MTMR7: variants seen among roughly 807,000 people sequenced by gnomAD.
MTMR7 encodes the protein phosphatidylinositol-3-phosphate phosphatase MTMR7.
A neutral mutation model predicts 81.2 loss-of-function variants in MTMR7; 76 were observed. That is an observed-to-expected ratio of 0.94 (90% CI 0.78 to 1.13). The LOEUF is 1.13. Ranked by LOEUF, MTMR7 falls within the 50% of genes most tolerant of loss-of-function variation. The pLI, the probability that MTMR7 is intolerant of heterozygous loss-of-function variation, is 0.00. For synonymous variants in MTMR7, 372 were observed against 289.8 expected, an observed-to-expected ratio of 1.28 and a Z score of -2.88; for missense variants, 1,044 against 820.0, an observed-to-expected ratio of 1.27 and a Z score of -3.34.
chr8:17,316,502 A>G (rs1818081745), intron 7 of MTMR7, among the ~76,000 whole-genome samples: 1 of 151,376 alleles, frequency 6.6e-6, no homozygotes, highest in South Asian at 2.1e-4. Context: ...CTCCTTGTGG[A>G]AAGTCTCCCT....
intron 1 of MTMR7, among the ~76,000 whole-genome samples, chr8:17,405,665 T>C (rs1188324488): frequency 6.6e-6 from 1 of 152,008 alleles, no homozygotes; most frequent in Non-Finnish European, 1.5e-5. Context: ...AGAACAAAAG[T>C]GCAAAACTGC....
Position 17,302,240 on chromosome 8 carries a change from G to A in MTMR7, c.1534C>T (p.Gln512Ter), listed in dbSNP as rs752153854. The stretch of plus-strand genomic sequence containing the variant: ...TAATCTGTAACTGACTGTCGGGGCT[G>A]CATCCCCTTTTCAAAGCGGTTATAC... Reference protein sequence around the residue: ...GMYNRFEKGMQPRQSVTDYLM... With the variant: ...GMYNRFEKGM The change falls in exon 13 of 14, where the codon CAG becomes TAG. Residue 512 changes from glutamine (Q) to a stop codon, truncating the protein, a stop_gained. Transcript: ENST00000180173. LOFTEE classifies it high-confidence loss of function. 1.2e-6 allele frequency: 2 copies of A among 1,614,006 alleles called. No homozygotes were observed. Among genetic ancestry groups the A allele is most frequent in the Admixed American group, 1.7e-5 (1 of 60,004 alleles).
At position 17,400,551 on chromosome 8, in the gene MTMR7, G is replaced by A. The variant is rs180800906; in HGVS notation, c.24+12718C>T. Among the ~76,000 whole-genome samples, 4 of 152,266 alleles carry A rather than the reference G, an allele frequency of 2.6e-5. No homozygotes were observed. The East Asian group carries it at 7.7e-4, about 29-fold the overall frequency. ...TGCTTCCCTGCCTCTAGAGTAATGG[G>A]CTACCTCTACATTATCAAGCGTTAC... On this transcript the variant is annotated intron_variant, in intron 1 of 13. Transcript: ENST00000180173.
intron 1 of MTMR7, among the ~76,000 whole-genome samples, chr8:17,379,468 G>A (rs1262033626): frequency 1.3e-5 from 2 of 152,154 alleles, no homozygotes; most frequent in South Asian, 2.1e-4. Flanking sequence ...TGATACACAC[G>A]GGAAATAAAA....
chr8:17,410,126 G>A (rs1005137750), intron 1 of MTMR7, among the ~76,000 whole-genome samples: 2 of 151,270 alleles, frequency 1.3e-5, no homozygotes, highest in South Asian at 4.2e-4. Context: ...CTGTGAGAAA[G>A]GGATTAGAAA....
intron 3 of MTMR7, among the ~76,000 whole-genome samples, chr8:17,370,563 A>G (rs1338218473): frequency 6.7e-6 from 1 of 150,356 alleles, no homozygotes; most frequent in East Asian, 1.9e-4. Flanking sequence ...CAAAAAAAAA[A>G]AAAAAAAAAA....
At chr8:17,343,427 C>CG (rs1819464037) in intron 5 of MTMR7, among the ~76,000 whole-genome samples, 1 of 149,870 alleles carries the variant, frequency 6.7e-6, no homozygotes, top group African/African-American at 2.5e-5. Flanking sequence ...AACTCCATCT[C>CG]GAAAAAAAAA....
At chr8:17,377,150 A>T (rs1341890252) in intron 1 of MTMR7, among the ~76,000 whole-genome samples, 1 of 152,114 alleles carries the variant, frequency 6.6e-6, no homozygotes, top group Non-Finnish European at 1.5e-5. Flanking sequence ...TTATGATTAC[A>T]TCAATTAATC....
At chr8:17,408,484 C>T (rs1310100966) in intron 1 of MTMR7, among the ~76,000 whole-genome samples, 1 of 151,548 alleles carries the variant, frequency 6.6e-6, no homozygotes, top group African/African-American at 2.4e-5. Flanking sequence ...AGCTCTTTGG[C>T]GACGTGATGA....
chr8:17,340,074 C>T (rs765689255), intron 6 of MTMR7, among the ~76,000 whole-genome samples: 3 of 152,234 alleles, frequency 2.0e-5, no homozygotes, highest in Non-Finnish European at 4.4e-5. Flanking sequence ...GCCTCAGCCT[C>T]CCCAGTAACT....
intron 4 of MTMR7, among the ~76,000 whole-genome samples, chr8:17,354,256 A>T (rs1456824652): frequency 6.6e-6 from 1 of 152,210 alleles, no homozygotes; most frequent in East Asian, 1.9e-4. Flanking sequence ...AATGACATAT[A>T]TGTGAATAAA....
chr8:17,336,808 G>A (rs1819254155), intron 6 of MTMR7, among the ~76,000 whole-genome samples: 1 of 152,180 alleles, frequency 6.6e-6, no homozygotes, highest in Non-Finnish European at 1.5e-5. Context: ...GGCCTCGTCA[G>A]GCGTGTGCTC....
At chr8:17,337,021 G>GAAACA (rs1019909704) in intron 6 of MTMR7, among the ~76,000 whole-genome samples, 2 of 152,220 alleles carry the variant, frequency 1.3e-5, no homozygotes, top group African/African-American at 4.8e-5. Flanking sequence ...TCCATGAAAA[G>GAAACA]AAACAAAACA....
Position 17,327,485 on chromosome 8 carries a change from TG to T in MTMR7, c.865+3664del, listed in dbSNP as rs1257618539. Among the ~76,000 whole-genome samples, 6 of 152,268 alleles carry T rather than the reference TG, an allele frequency of 3.9e-5. No homozygotes were observed. The East Asian group carries it at 1.2e-3, about 29-fold the overall frequency. ...CTGTAGAGACAGGGTCTCACTGTGT[TG>T]CCCAGGCTGGTCTCAAACTCCTGTG... On this transcript the variant is annotated intron_variant, in intron 7 of 13. Coordinates refer to ENST00000180173, the MANE Select transcript of MTMR7 (RefSeq NM_004686.5).
intron 12 of MTMR7, among the ~76,000 whole-genome samples, chr8:17,302,734 C>T (rs1386443562): frequency 2.3e-5 from 2 of 87,780 alleles, no homozygotes; most frequent in Admixed American, 1.8e-4. Flanking sequence ...TTTTTAATGG[C>T]AGAGTTTCGC....
chr8:17,348,539 G>A (rs1175400754), intron 5 of MTMR7, among the ~76,000 whole-genome samples: 1 of 111,332 alleles, frequency 9.0e-6, no homozygotes, highest in Admixed American at 1.1e-4. Context: ...GACAGAGTGA[G>A]ACTCTGTCTC....
intron 5 of MTMR7, 61 bp from the exon 6 acceptor site, chr8:17,341,558 C>G (rs1007369318): frequency 1.8e-5 from 29 of 1,571,430 alleles, no homozygotes; most frequent in Non-Finnish European, 2.5e-5. Context: ...GAGAGACACT[C>G]TACGTGTGTC....
intron 9 of MTMR7, among the ~76,000 whole-genome samples, chr8:17,310,438 C>A: frequency 6.6e-6 from 1 of 152,134 alleles, no homozygotes; most frequent in Non-Finnish European, 1.5e-5. Flanking sequence ...GAGACATTTT[C>A]TTTGGGTTGT....
intron 1 of MTMR7, among the ~76,000 whole-genome samples, chr8:17,405,053 T>C (rs1181734208): frequency 2.0e-5 from 3 of 152,366 alleles, no homozygotes; most frequent in Non-Finnish European, 2.9e-5. Flanking sequence ...GATTTCACCA[T>C]GTTGGCCAGG....
Sources: gnomAD v4.1 joint callset for allele counts (sites outside exome capture counted in the v4.1 genomes callset) on GRCh38, gnomAD v4.1.1 for gene constraint, MANE v1.5 for transcripts, NCBI Gene and HGNC (gene_info 2026-07-23, HGNC 2026-07-21) for gene names.